The following LARGE1 variants were observed in gnomAD, a reference collection of about 807,000 sequenced individuals.
The protein encoded by LARGE1 is LARGE xylosyl- and glucuronyltransferase 1.
LARGE1 carries 43 observed loss-of-function variants against 87.6 expected under a neutral mutation model. The ratio of observed to expected loss-of-function variants is 0.49; its 90% CI spans 0.38 to 0.63. The LOEUF (loss-of-function observed/expected upper bound fraction) is 0.63. Among genes scored for constraint, LARGE1 ranks in the 30% least tolerant of loss-of-function variants. The pLI is 0.00. For missense variants in LARGE1, 802 were observed against 1,000.2 expected, an observed-to-expected ratio of 0.80 and a Z score of 2.67; for synonymous variants, 434 against 394.6, an observed-to-expected ratio of 1.10 and a Z score of -1.18.
At chr22:33,317,898 A>G (rs947191271) in intron 10 of LARGE1, among the ~76,000 whole-genome samples, 8 of 152,140 alleles carry the variant, frequency 5.3e-5, no homozygotes, top group Non-Finnish European at 8.8e-5. Flanking sequence ...CGATGGGTAC[A>G]TGGATGTGCA....
At chr22:33,728,442 G>A (rs1030133428) in intron 2 of LARGE1, among the ~76,000 whole-genome samples, 1 of 151,160 alleles carries the variant, frequency 6.6e-6, no homozygotes, top group Non-Finnish European at 1.5e-5. Context: ...AGGAGGCTGA[G>A]GCAGGAGAAT....
chr22:33,232,196 T>C (rs1207209854), intron 11 of LARGE1, among the ~76,000 whole-genome samples: 1 of 152,236 alleles, frequency 6.6e-6, no homozygotes, highest in African/African-American at 2.4e-5. Flanking sequence ...GCTGTTTCTC[T>C]CAGCCTGCAA....
chr22:33,405,013 G>A (rs1292734340), intron 7 of LARGE1, among the ~76,000 whole-genome samples: 1 of 152,226 alleles, frequency 6.6e-6, no homozygotes, highest in Non-Finnish European at 1.5e-5. Context: ...GGGAAGAGGA[G>A]CATAAAGGAG....
intron 11 of LARGE1, among the ~76,000 whole-genome samples, chr22:33,231,613 T>C (rs1220485717): frequency 6.6e-6 from 1 of 152,248 alleles, no homozygotes; most frequent in Admixed American, 6.5e-5. Context: ...GGCATTTAAA[T>C]GAAGATTTGG....
the LARGE1 span, among the ~76,000 whole-genome samples, chr22:33,081,950 T>A: frequency 2.0e-5 from 3 of 152,202 alleles, no homozygotes; most frequent in Non-Finnish European, 2.9e-5. Flanking sequence ...TTAGGCTAAA[T>A]GGGTAATAGA....
chr22:33,382,347 T>C (rs1245569783), intron 8 of LARGE1, among the ~76,000 whole-genome samples: 1 of 152,148 alleles, frequency 6.6e-6, no homozygotes, highest in Non-Finnish European at 1.5e-5. Flanking sequence ...CTACCCTCAC[T>C]GGCATATGAA....
intron 3 of LARGE1, among the ~76,000 whole-genome samples, chr22:33,628,019 T>C (rs896332388): frequency 6.6e-6 from 1 of 152,090 alleles, no homozygotes; most frequent in Admixed American, 6.5e-5. Context: ...CCGTATGCAC[T>C]CTACCCCCAC....
chr22:33,392,819 T>C (rs1326150153), intron 7 of LARGE1, among the ~76,000 whole-genome samples: 1 of 152,204 alleles, frequency 6.6e-6, no homozygotes, highest in Non-Finnish European at 1.5e-5. Context: ...GTAAATCATT[T>C]TTCTTTGTAA....
the LARGE1 span, among the ~76,000 whole-genome samples, chr22:33,079,506 C>T: frequency 3.8e-4 from 58 of 152,180 alleles, no homozygotes; most frequent in African/African-American, 1.2e-3. Flanking sequence ...GGATTGCAGG[C>T]GTGAGCCACC....
In LARGE1 at chr22:33,634,989, G is replaced by T. The variant is rs2080227634; in HGVS notation, c.409-8663C>A. Among the ~76,000 whole-genome samples the T allele has an allele frequency of 2.0e-5, 3 of 152,032 alleles. No homozygotes were observed. The South Asian group carries it at 6.2e-4, about 32-fold the overall frequency. On this transcript the variant is annotated intron_variant, in intron 3 of 14. Coordinates refer to ENST00000397394, the MANE Select transcript of LARGE1 (RefSeq NM_133642.5). ...AAAAATTAGCCAGGCGCAGTGGCGG[G>T]CACCTGTAATCCCAGTTACTCGGGA...
chr22:33,328,135 T>A (rs907320960), intron 10 of LARGE1, among the ~76,000 whole-genome samples: 3 of 152,128 alleles, frequency 2.0e-5, no homozygotes, highest in African/African-American at 7.2e-5. Flanking sequence ...GAGGGAGTGC[T>A]GGGGTATGGG....
chr22:33,439,213 CA>C (rs1158386811), intron 6 of LARGE1, among the ~76,000 whole-genome samples: 1,829 of 90,000 alleles, frequency 0.02, 26 homozygotes, highest in African/African-American at 0.056. Flanking sequence ...GACTCCATCT[CA>C]AAAAAAAAAA....
intron 1 of LARGE1, among the ~76,000 whole-genome samples, chr22:33,782,787 C>T (rs2085464927): frequency 6.6e-6 from 1 of 151,638 alleles, no homozygotes; most frequent in Non-Finnish European, 1.5e-5. Context: ...ATCACTTGAA[C>T]CCGGGAGGTG....
intron 11 of LARGE1, among the ~76,000 whole-genome samples, chr22:33,189,484 T>A (rs1602066348): frequency 6.6e-6 from 1 of 152,116 alleles, no homozygotes; most frequent in Non-Finnish European, 1.5e-5. Flanking sequence ...CACACGCACA[T>A]ACACACACTC....
intron 1 of LARGE1, among the ~76,000 whole-genome samples, chr22:33,842,402 A>G (rs1428222206): frequency 6.9e-6 from 1 of 145,720 alleles, no homozygotes; most frequent in African/African-American, 2.6e-5. Flanking sequence ...GGGAAATAAC[A>G]TATTTCTTCG....
chr22:33,535,807 T>C (rs1373627740), intron 6 of LARGE1, among the ~76,000 whole-genome samples: 1 of 152,126 alleles, frequency 6.6e-6, no homozygotes, highest in Non-Finnish European at 1.5e-5. Context: ...CGCTGATCTG[T>C]GATGTCGGTT....
intron 2 of LARGE1, among the ~76,000 whole-genome samples, chr22:33,726,856 T>A (rs1403266055): frequency 6.6e-6 from 1 of 152,088 alleles, no homozygotes; most frequent in East Asian, 1.9e-4. Context: ...GGATCATGCC[T>A]CCCAGTCAGT....
chr22:33,410,364 T>C (rs992800463), intron 7 of LARGE1, among the ~76,000 whole-genome samples: 8 of 152,038 alleles, frequency 5.3e-5, no homozygotes, highest in Admixed American at 1.3e-4. Flanking sequence ...TCTTGAATTG[T>C]AATCCCCATA....
chr22:33,103,982 C>T, the LARGE1 span, among the ~76,000 whole-genome samples: 352 of 152,300 alleles, frequency 2.3e-3, 4 homozygotes, highest in African/African-American at 8.2e-3. Context: ...GATTGTGAGG[C>T]CTCCCCAGCC....
Sources: gnomAD v4.1 joint callset for allele counts (sites outside exome capture counted in the v4.1 genomes callset) on GRCh38, gnomAD v4.1.1 for gene constraint, MANE v1.5 for transcripts, NCBI Gene and HGNC (gene_info 2026-07-23, HGNC 2026-07-21) for gene names.